The following EPB41L3 variants were observed in gnomAD, a reference collection of about 807,000 sequenced individuals.
EPB41L3 encodes the protein band 4.1-like protein 3.
EPB41L3 carries 57 observed loss-of-function variants against 127.1 expected under a neutral mutation model. The observed-to-expected ratio is 0.45, with a 90% CI of 0.36 to 0.56. The LOEUF (loss-of-function observed/expected upper bound fraction) is 0.56. Ranked by LOEUF, EPB41L3 falls within the 20% of genes least tolerant of loss-of-function variation. The probability of loss-of-function intolerance (pLI) is 0.00; values close to 1 mark genes in which losing one functional copy is unlikely to be tolerated. For synonymous variants in EPB41L3, 572 were observed against 549.5 expected (o/e 1.04, Z -0.57); for missense variants, 1,273 against 1,372.2 (o/e 0.93, Z 1.14).
chr18:5,480,156 T>A (rs1176085122), intron 2 of EPB41L3: 2 of 152,222 alleles, frequency 1.3e-5, no homozygotes, highest in Non-Finnish European at 2.9e-5. Flanking sequence ...AGAACAAGCT[T>A]CTGGGTTACT....
chr18:5,520,578 A>G (rs1303790946), intron 1 of EPB41L3, among the ~76,000 whole-genome samples: 2 of 150,918 alleles, frequency 1.3e-5, no homozygotes, highest in Admixed American at 6.6e-5. Flanking sequence ...AAAAAAAAGG[A>G]TGAGGCTAGG....
At chr18:5,454,125 T>C (rs773819546) in intron 3 of EPB41L3, among the ~76,000 whole-genome samples, 16 of 152,164 alleles carry the variant, frequency 1.1e-4, no homozygotes, top group Non-Finnish European at 2.1e-4. Context: ...GCTTCCTTTT[T>C]TTCTAACGAA....
At position 5,489,196 on chromosome 18, in the gene EPB41L3, T is replaced by G. The variant is rs1007776205; in HGVS notation, c.-11-2A>C. 6.3e-7 allele frequency: 1 copy of G among 1,588,246 alleles called. No homozygotes were observed. The highest frequency in any genetic ancestry group is 2.3e-5 in the East Asian group (1 of 43,128). On this transcript the variant is annotated splice_acceptor_variant, in intron 1 of 22. Transcript: ENST00000341928. LOFTEE classifies it low-confidence loss of function (5UTR_SPLICE). ...ATTCGGTCGTCATGGTTGATTGTTC[T>G]GCAAGCAGAAAAAAGGGAAGAGCAG...
chr18:5,402,241 A>T (rs1461184440), intron 16 of EPB41L3, among the ~76,000 whole-genome samples: 1 of 150,686 alleles, frequency 6.6e-6, no homozygotes, highest in Non-Finnish European at 1.5e-5. Flanking sequence ...AAAAGATAAA[A>T]TGTACCATGT....
chr18:5,535,076 TTGAG>T (rs923357992), intron 1 of EPB41L3, among the ~76,000 whole-genome samples: 3 of 152,124 alleles, frequency 2.0e-5, no homozygotes, highest in Non-Finnish European at 4.4e-5. Context: ...ATTCACATTC[TTGAG>T]TGAGAATGTG....
chr18:5,414,018 T>C (rs1370596804), intron 13 of EPB41L3, among the ~76,000 whole-genome samples: 2 of 152,248 alleles, frequency 1.3e-5, no homozygotes, highest in African/African-American at 4.8e-5. Flanking sequence ...GTTTGCTATA[T>C]AAAAGTTGAA....
chr18:5,487,910 C>G (rs2090039497), intron 2 of EPB41L3, among the ~76,000 whole-genome samples: 1 of 152,024 alleles, frequency 6.6e-6, no homozygotes, highest in African/African-American at 2.4e-5. Context: ...GATTATATCT[C>G]TTATCTCAAC....
At chr18:5,604,005 C>CCACA (rs377084786) in intron 3 of EPB41L3, among the ~76,000 whole-genome samples, 11 of 142,010 alleles carry the variant, frequency 7.7e-5, no homozygotes, top group African/African-American at 2.9e-4. Context: ...CCAGAAGTGT[C>CCACA]CACACACACA....
intron 21 of EPB41L3, 84 bp downstream of exon 21, chr18:5,394,983 C>A: frequency 2.9e-6 from 4 of 1,374,120 alleles, no homozygotes; most frequent in Non-Finnish European, 3.1e-6. Context: ...ACATGCTGGA[C>A]TAGAGGAATA....
intron 3 of EPB41L3, among the ~76,000 whole-genome samples, chr18:5,588,512 G>A (rs1265260769): frequency 6.8e-6 from 1 of 146,284 alleles, no homozygotes; most frequent in African/African-American, 2.5e-5. Context: ...ATATTTATGT[G>A]TATTATGTGT....
intron 3 of EPB41L3, among the ~76,000 whole-genome samples, chr18:5,551,570 A>AT (rs1276389405): frequency 6.6e-6 from 1 of 152,064 alleles, no homozygotes. Flanking sequence ...AAATTTTACA[A>AT]TTAGCCTGGC....
intron 3 of EPB41L3, among the ~76,000 whole-genome samples, chr18:5,574,811 T>C (rs991707482): frequency 3.9e-5 from 6 of 152,170 alleles, no homozygotes; most frequent in African/African-American, 1.4e-4. Flanking sequence ...CCCCCAAGAC[T>C]TTGCCCCTGT....
chr18:5,471,399 T>C (rs964033049), intron 3 of EPB41L3, among the ~76,000 whole-genome samples: 1 of 152,262 alleles, frequency 6.6e-6, no homozygotes, highest in African/African-American at 2.4e-5. Flanking sequence ...GGGAAAACTC[T>C]CGGGAATCAT....
intron 1 of EPB41L3, among the ~76,000 whole-genome samples, chr18:5,534,185 A>G (rs2093501455): frequency 6.6e-6 from 1 of 152,228 alleles, no homozygotes; most frequent in South Asian, 2.1e-4. Flanking sequence ...AAAGAAAGAA[A>G]AAAAGAAACC....
chr18:5,470,239 T>C (rs1307525437), intron 3 of EPB41L3, among the ~76,000 whole-genome samples: 1 of 152,162 alleles, frequency 6.6e-6, no homozygotes, highest in Non-Finnish European at 1.5e-5. Context: ...ATTCCCAATG[T>C]CCCTTCCAGA....
intron 11 of EPB41L3, among the ~76,000 whole-genome samples, chr18:5,420,423 A>G (rs545378075): frequency 1.9e-4 from 29 of 152,220 alleles, no homozygotes; most frequent in African/African-American, 1.7e-4. Context: ...TCACTCTTAC[A>G]GTATAAAAGC....
In EPB41L3 at chr18:5,465,171, G is replaced by A. The variant is rs141217906; in HGVS notation, c.381+13070C>T. Among the ~76,000 whole-genome samples the A allele has an allele frequency of 7.3e-4, 111 of 152,300 alleles. 1 individual carries two copies. The highest frequency in any genetic ancestry group is 4.8e-3 in the South Asian group (23 of 4,824). On this transcript the variant is annotated intron_variant, in intron 3 of 22. Coordinates refer to ENST00000341928, the MANE Select transcript of EPB41L3 (RefSeq NM_012307.5). The stretch of plus-strand genomic sequence containing the variant: ...AAAAAGCAAGTTTCCCACATTTTCC[G>A]GCTCACCTTCTCAATTCTACCAGTT...
rs373731702 is a variant in EPB41L3 at position 5,393,165 on chromosome 18, A to T, written c.*320T>A. 1.3e-5 allele frequency: 4 copies of T among 316,482 alleles called. No homozygotes were observed. The East Asian group carries it at 1.6e-4, about 12-fold the overall frequency. The allele number at this position is 316,482 out of a possible 1,614,324, so 19.6% of individuals were successfully genotyped here. ...AATTGTTTATGTGTTACATGAGACCACGGTTTATATTGTTGGTTATGAACG... is the reference window on the plus strand; with the variant it reads ...AATTGTTTATGTGTTACATGAGACCTCGGTTTATATTGTTGGTTATGAACG... On this transcript the variant is annotated 3_prime_UTR_variant, in exon 23 of 23. Transcript: ENST00000341928.
intron 3 of EPB41L3, among the ~76,000 whole-genome samples, chr18:5,568,677 G>A (rs1425209708): frequency 1.3e-5 from 2 of 152,128 alleles, no homozygotes; most frequent in African/African-American, 2.4e-5. Flanking sequence ...CATCCTCCTA[G>A]CAATAGATAT....
Sources: allele counts gnomAD v4.1 joint callset (sites outside exome capture counted in the v4.1 genomes callset), GRCh38; gene constraint gnomAD v4.1.1; transcripts MANE v1.5; gene names NCBI Gene and HGNC (gene_info 2026-07-23, HGNC 2026-07-21).